Variants in NPL observed in about 807,000 individuals in gnomAD.
NPL encodes the protein N-acetylneuraminate lyase.
Under a neutral mutation model 41.1 loss-of-function variants are expected in NPL, and 32 were observed. That is an observed-to-expected ratio of 0.78 (90% CI 0.59 to 1.05). NPL has a LOEUF of 1.05. NPL is among the 50% of genes least tolerant of loss of function. NPL has a pLI of 0.00. For synonymous variants in NPL, 128 were observed against 134.9 expected (o/e 0.95, Z 0.35); for missense variants, 321 against 378.4 (o/e 0.85, Z 1.26).
intron 1 of NPL, among the ~76,000 whole-genome samples, chr1:182,791,829 A>G (rs1222027535): frequency 6.6e-6 from 1 of 152,174 alleles, no homozygotes; most frequent in African/African-American, 2.4e-5. Context: ...ATGCTGACTC[A>G]AGCTCTCAGG....
Position 182,806,166 on chromosome 1 carries a change from G to T in NPL, c.164G>T (p.Gly55Val). Residue 55 changes from glycine to valine, a missense_variant, in exon 5 of 13, where the codon GGC becomes GTC. By Grantham distance (109) the Gly-to-Val change is moderately radical. Coordinates refer to ENST00000367553, the MANE Select transcript of NPL (RefSeq NM_030769.3). Reference protein sequence around the residue: ...NIFVNGTTGEGLSLSVSERRQ... With the variant: ...NIFVNGTTGEVLSLSVSERRQ... ...ACAGTGAATGGCACAACAGGAGAAG[G>T]CCTGTCCCTGAGCGTCTCAGAGCGT... 6.2e-7 allele frequency: 1 copy of T among 1,614,248 alleles called. No individual in the cohort carries two copies.
At position 182,818,536 on chromosome 1, in the gene NPL, A is replaced by G. The variant is rs770230891; in HGVS notation, c.458-5A>G. 1.2e-6 allele frequency: 2 copies of G among 1,613,936 alleles called. No individual in the cohort carries two copies. The highest frequency in any genetic ancestry group is 2.2e-5 in the South Asian group (2 of 91,076). ...GATTAATGAGGCACTTATTATTTTG[A>G]GCAGTTCGTGCTGAGGAGTTGTTGG... On this transcript the variant is annotated splice_region_variant and splice_polypyrimidine_tract_variant and intron_variant, in intron 8 of 12. Coordinates refer to ENST00000367553, the MANE Select transcript of NPL (RefSeq NM_030769.3).
At chr1:182,825,715 TC>T in intron 11 of NPL, 65 bp from the exon 12 acceptor site, 1 of 1,115,094 alleles carries the variant, frequency 9.0e-7, no homozygotes, top group South Asian at 1.2e-5. Flanking sequence ...TAATTTGACT[TC>T]TACATTATTT....
In NPL at chr1:182,816,667, C is replaced by G. The variant is rs767100996; in HGVS notation, c.365-47C>G. On this transcript the variant is annotated intron_variant, in intron 7 of 12. Coordinates refer to ENST00000367553, the MANE Select transcript of NPL (RefSeq NM_030769.3). ...ATTCTCTTTTTTACCAGGAAAGCCA[C>G]TGTTTTACACCTGTTCACACCATGA... 4 of 1,345,052 alleles carry G rather than the reference C, an allele frequency of 3.0e-6. No individual in the cohort carries two copies. In the South Asian group the frequency reaches 4.7e-5, roughly 16 times the overall value. The allele number at this position is 1,345,052 out of a possible 1,614,324, so 83.3% of individuals were successfully genotyped here. A position where few individuals can be genotyped will look rare whatever the true frequency, so the allele number is the denominator to read the frequency against.
intron 7 of NPL, among the ~76,000 whole-genome samples, 177 bp from the exon 8 acceptor site, chr1:182,816,537 T>C (rs73065390): frequency 6.6e-6 from 1 of 152,160 alleles, no homozygotes. Context: ...AAAATAAAAC[T>C]TGAAGGAAGT....
intron 1 of NPL, among the ~76,000 whole-genome samples, chr1:182,790,675 C>T (rs1304122768): frequency 1.3e-5 from 2 of 151,922 alleles, no homozygotes; most frequent in African/African-American, 2.4e-5. Flanking sequence ...CGGAGTCTCG[C>T]TCTTGTCGCC....
chr1:182,790,611 C>A (rs1487994570), intron 1 of NPL, among the ~76,000 whole-genome samples: 1 of 133,382 alleles, frequency 7.5e-6, no homozygotes, highest in African/African-American at 2.9e-5. Flanking sequence ...CTGTTAAAGT[C>A]TTTTGTTGTT....
At chr1:182,806,075 A>C in intron 4 of NPL, 70 bp from the exon 5 acceptor site, 1 of 1,589,092 alleles carries the variant, frequency 6.3e-7, no homozygotes, top group Non-Finnish European at 8.6e-7. Flanking sequence ...CTGACCCTGC[A>C]CTTTCAGACT....
intron 5 of NPL, 62 bp from the exon 6 acceptor site, chr1:182,812,094 A>G (rs1667190868): frequency 1.1e-5 from 16 of 1,509,720 alleles, no homozygotes; most frequent in Non-Finnish European, 1.4e-5. Context: ...AAACCAGGAT[A>G]GTGCAGCCCT....
intron 5 of NPL, 40 bp from the exon 6 acceptor site, chr1:182,812,116 C>CT: frequency 6.2e-7 from 1 of 1,609,640 alleles, no homozygotes; most frequent in Non-Finnish European, 8.5e-7. Context: ...CTGCATGCCT[C>CT]TAAACTCTAA....
At chr1:182,798,697 A>G (rs1666747108) in intron 3 of NPL, among the ~76,000 whole-genome samples, 1 of 152,212 alleles carries the variant, frequency 6.6e-6, no homozygotes, top group African/African-American at 2.4e-5. Flanking sequence ...CCCTCTGGTA[A>G]AAACAAAGCT....
At chr1:182,810,543 A>G (rs894649730) in intron 5 of NPL, among the ~76,000 whole-genome samples, 2 of 152,150 alleles carry the variant, frequency 1.3e-5, no homozygotes. Flanking sequence ...TTGATTAATC[A>G]ATTATTGCTT....
At chr1:182,797,833 T>C (rs1259846688) in intron 3 of NPL, among the ~76,000 whole-genome samples, 1 of 152,252 alleles carries the variant, frequency 6.6e-6, no homozygotes, top group Non-Finnish European at 1.5e-5. Context: ...TGCTTAGCCC[T>C]GTTCAATAGA....
rs148850346 is a variant in NPL at position 182,822,869 on chromosome 1, G to A, written c.738+670G>A. Among the ~76,000 whole-genome samples, 195 of 152,272 alleles carry A rather than the reference G, an allele frequency of 1.3e-3. 1 individual carries two copies. Among genetic ancestry groups the A allele is most frequent in the African/African-American group, 4.5e-3 (189 of 41,560 alleles). On this transcript the variant is annotated intron_variant, in intron 11 of 12. Transcript: ENST00000367553. ...GAAGGGTGGAACAGTCTCAACAACT[G>A]GTTGTCTTTTATTTAGAGATAGGGT...
chr1:182,794,533 C>A, intron 3 of NPL, 94 bp downstream of exon 3: 1 of 1,238,788 alleles, frequency 8.1e-7, no homozygotes, highest in Non-Finnish European at 1.2e-6. Flanking sequence ...GACCCTGCAC[C>A]TCTGTAGAAC....
At chr1:182,803,794 G>A (rs762079533) in intron 4 of NPL, 23 bp downstream of exon 4, 56 of 1,504,450 alleles carry the variant, frequency 3.7e-5, no homozygotes, top group East Asian at 6.8e-5. Flanking sequence ...TGGGGATGTC[G>A]CTGCATGTCT....
intron 5 of NPL, 84 bp downstream of exon 5, chr1:182,806,316 G>A: frequency 6.3e-7 from 1 of 1,588,320 alleles, no homozygotes; most frequent in Non-Finnish European, 8.6e-7. Flanking sequence ...CGCCCTCCCT[G>A]CTTCCTGGTC....
chr1:182,813,073 A>G (rs1667221697), intron 6 of NPL, among the ~76,000 whole-genome samples: 1 of 151,686 alleles, frequency 6.6e-6, no homozygotes, highest in South Asian at 2.1e-4. Context: ...GAATTGCTTG[A>G]ACCCAGGAGG....
chr1:182,823,200 C>A (rs993812694), intron 11 of NPL, among the ~76,000 whole-genome samples: 13 of 152,332 alleles, frequency 8.5e-5, no homozygotes, highest in Admixed American at 4.6e-4. Flanking sequence ...AATGGAAAGA[C>A]AGAAGCAAGA....
Sources: gnomAD v4.1 joint callset for allele counts (sites outside exome capture counted in the v4.1 genomes callset) on GRCh38, gnomAD v4.1.1 for gene constraint, MANE v1.5 for transcripts, NCBI Gene and HGNC (gene_info 2026-07-23, HGNC 2026-07-21) for gene names.